Variants in NELL1 observed in about 807,000 individuals in gnomAD.
The protein encoded by NELL1 is protein kinase C-binding protein NELL1.
In NELL1, 76 loss-of-function variants were observed where a neutral mutation model predicts 107.4. That is an observed-to-expected ratio of 0.71 (90% CI 0.59 to 0.86). The LOEUF (loss-of-function observed/expected upper bound fraction) is 0.86. NELL1 is among the 40% of genes least tolerant of loss of function. The pLI, the probability that NELL1 is intolerant of heterozygous loss-of-function variation, is 0.00. For synonymous variants in NELL1, 353 were observed against 341.2 expected, an observed-to-expected ratio of 1.03 and a Z score of -0.38; for missense variants, 1,024 against 1,005.5, an observed-to-expected ratio of 1.02 and a Z score of -0.25.
chr11:21,508,860 A>G (rs1043730705), intron 15 of NELL1, among the ~76,000 whole-genome samples: 2 of 152,150 alleles, frequency 1.3e-5, no homozygotes. Flanking sequence ...TATTTAGTTA[A>G]ATAAAGGCTT....
chr11:21,239,093 A>G (rs1858282730), intron 14 of NELL1, among the ~76,000 whole-genome samples: 1 of 152,062 alleles, frequency 6.6e-6, no homozygotes, highest in South Asian at 2.1e-4. Flanking sequence ...GACATTAGCA[A>G]TTGTCAATAT....
intron 4 of NELL1, among the ~76,000 whole-genome samples, chr11:20,879,194 A>G (rs961558215): frequency 6.6e-6 from 1 of 152,112 alleles, no homozygotes; most frequent in African/African-American, 2.4e-5. Context: ...AGGCAGGCCC[A>G]GCCACTACCA....
chr11:21,025,503 G>C (rs1852795164), intron 12 of NELL1, among the ~76,000 whole-genome samples: 1 of 151,338 alleles, frequency 6.6e-6, no homozygotes, highest in African/African-American at 2.4e-5. Context: ...ATAATTAGGT[G>C]AACAAATTTA....
intron 15 of NELL1, among the ~76,000 whole-genome samples, chr11:21,441,850 G>A (rs1023513638): frequency 2.0e-5 from 3 of 151,982 alleles, no homozygotes; most frequent in Non-Finnish European, 2.9e-5. Flanking sequence ...TTTCTTTCAT[G>A]GATAAGGTAA....
At chr11:20,825,896 T>A (rs564368254) in intron 3 of NELL1, among the ~76,000 whole-genome samples, 1 of 151,464 alleles carries the variant, frequency 6.6e-6, no homozygotes, top group Admixed American at 6.6e-5. Context: ...AAATCTCATC[T>A]TGAATTGTAA....
Position 21,370,949 on chromosome 11 carries a change from G to T in NELL1, c.1645+1G>T. The T allele has an allele frequency of 6.2e-7, 1 of 1,607,766 alleles. No individual in the cohort carries two copies. Among genetic ancestry groups the T allele is most frequent in the Non-Finnish European group, 8.5e-7 (1 of 1,176,312 alleles). Reference sequence around the variant, plus strand: ...TTCACAGGAAGCCACTGCGAGAAAGGTAATCTAGCTTGTTTTATGGGGGAT... The same window carrying T: ...TTCACAGGAAGCCACTGCGAGAAAGTTAATCTAGCTTGTTTTATGGGGGAT... On this transcript the variant is annotated splice_donor_variant, in intron 15 of 19. Coordinates refer to ENST00000357134, the MANE Select transcript of NELL1 (RefSeq NM_006157.5). LOFTEE classifies it high-confidence loss of function.
intron 15 of NELL1, among the ~76,000 whole-genome samples, chr11:21,486,912 A>T (rs1854647543): frequency 6.6e-6 from 1 of 152,086 alleles, no homozygotes; most frequent in Non-Finnish European, 1.5e-5. Context: ...GAAATAATCT[A>T]GTCAGACAAA....
intron 14 of NELL1, among the ~76,000 whole-genome samples, chr11:21,340,270 A>G (rs2133701504): frequency 6.6e-6 from 1 of 152,152 alleles, no homozygotes; most frequent in South Asian, 2.1e-4. Context: ...CTCCCACCTC[A>G]GCCTCCCGAG....
chr11:21,205,636 C>T (rs936097772), intron 13 of NELL1, among the ~76,000 whole-genome samples: 14 of 152,114 alleles, frequency 9.2e-5, no homozygotes, highest in African/African-American at 2.2e-4. Context: ...TCTGTCTTGC[C>T]GGTGTTCCAG....
intron 4 of NELL1, among the ~76,000 whole-genome samples, chr11:20,869,709 A>G (rs1849160190): frequency 2.0e-5 from 3 of 152,246 alleles, no homozygotes; most frequent in African/African-American, 7.2e-5. Flanking sequence ...TGCTGATTAC[A>G]TCACAGGGTG....
rs567756764 is a variant in NELL1, at chr11:21,240,771, G to A, written c.1549+11317G>A. On this transcript the variant is annotated intron_variant, in intron 14 of 19. Coordinates refer to ENST00000357134, the MANE Select transcript of NELL1 (RefSeq NM_006157.5). ...TCCTTCAAGTGCCTTTCTAGTGGGG[G>A]GGGGGAGGGGGGAGTCTATTGGATG... Among the ~76,000 whole-genome samples, 933 of 145,726 alleles carry A rather than the reference G, an allele frequency of 6.4e-3. 14 individuals are homozygous for A. Among genetic ancestry groups the A allele is most frequent in the African/African-American group, 0.023 (888 of 39,158 alleles).
intron 13 of NELL1, among the ~76,000 whole-genome samples, chr11:21,161,438 G>A (rs1856367072): frequency 6.6e-6 from 1 of 152,186 alleles, no homozygotes; most frequent in South Asian, 2.1e-4. Context: ...TCGGGAGGCT[G>A]AGTCAGGAGA....
intron 15 of NELL1, among the ~76,000 whole-genome samples, chr11:21,531,472 C>T (rs1431199588): frequency 6.6e-6 from 1 of 152,096 alleles, no homozygotes; most frequent in African/African-American, 2.4e-5. Flanking sequence ...ATTGTGTTGT[C>T]GACATTTGAC....
chr11:20,886,013 C>T (rs918304514), intron 5 of NELL1, among the ~76,000 whole-genome samples: 3 of 152,106 alleles, frequency 2.0e-5, no homozygotes, highest in Non-Finnish European at 4.4e-5. Flanking sequence ...AACAGAAAAC[C>T]AAATACTGCA....
At chr11:20,936,403 C>A (rs1221620546) in intron 9 of NELL1, among the ~76,000 whole-genome samples, 1 of 152,178 alleles carries the variant, frequency 6.6e-6, no homozygotes, top group African/African-American at 2.4e-5. Flanking sequence ...ACAGCATCCA[C>A]TACAGGGTAT....
intron 4 of NELL1, among the ~76,000 whole-genome samples, chr11:20,855,978 G>A (rs1848875672): frequency 1.3e-5 from 2 of 152,196 alleles, no homozygotes; most frequent in African/African-American, 2.4e-5. Flanking sequence ...CTATACTACT[G>A]TAACAAGATT....
chr11:21,162,749 C>T (rs780316310), intron 13 of NELL1, among the ~76,000 whole-genome samples: 1 of 152,064 alleles, frequency 6.6e-6, no homozygotes, highest in African/African-American at 2.4e-5. Context: ...TAAACAGAGC[C>T]GGAGACTGTT....
At chr11:21,167,045 G>T (rs911544048) in intron 13 of NELL1, among the ~76,000 whole-genome samples, 2 of 151,788 alleles carry the variant, frequency 1.3e-5, no homozygotes, top group African/African-American at 4.9e-5. Flanking sequence ...TTAAACAATG[G>T]AGGAAAAACA....
At chr11:20,721,895 G>C (rs1027160051) in intron 2 of NELL1, among the ~76,000 whole-genome samples, 2 of 152,144 alleles carry the variant, frequency 1.3e-5, no homozygotes, top group Admixed American at 1.3e-4. Flanking sequence ...GGTTTGAAGA[G>C]TTCTTGGCAG....
Sources: gnomAD v4.1 joint callset for allele counts (sites outside exome capture counted in the v4.1 genomes callset) on GRCh38, gnomAD v4.1.1 for gene constraint, MANE v1.5 for transcripts, NCBI Gene and HGNC (gene_info 2026-07-23, HGNC 2026-07-21) for gene names.